ZNF569: variants seen among roughly 807,000 people sequenced by gnomAD.
ZNF569 encodes the protein DNA-binding protein.
Under a neutral mutation model 56.3 loss-of-function variants are expected in ZNF569, and 38 were observed. That is an observed-to-expected ratio of 0.68 (90% confidence interval 0.52 to 0.88). The LOEUF (loss-of-function observed/expected upper bound fraction) is 0.88, where lower values mean the gene tolerates loss of function less well. ZNF569 is among the 40% of genes least tolerant of loss of function. The probability of loss-of-function intolerance (pLI) is 0.00; values close to 1 mark genes in which losing one functional copy is unlikely to be tolerated. For synonymous variants in ZNF569, 241 were observed against 262.9 expected (o/e 0.92, Z 0.81); for missense variants, 666 against 809.2 (o/e 0.82, Z 2.15).
chr19:37,427,184 G>T (rs1010636551), intron 3 of ZNF569, among the ~76,000 whole-genome samples: 1 of 152,036 alleles, frequency 6.6e-6, no homozygotes, highest in African/African-American at 2.4e-5. Context: ...AGGTGTGGTG[G>T]TGTGCATCTG....
chr19:37,431,329 G>T lies in ZNF569; in HGVS notation c.16-4951C>A, dbSNP rs546045754. ...GAAGAGGAGAAGGAAGAGTAAAGAG[G>T]ACTTTGTCTTGCACCTTGGATACCA... is the stretch of plus-strand genomic sequence containing the variant. On this transcript the variant is annotated intron_variant, in intron 3 of 5. Transcript: ENST00000316950. 1.4e-4 allele frequency among the ~76,000 whole-genome samples: 21 copies of T among 152,146 alleles called. No homozygotes were observed. In the South Asian group the frequency reaches 4.4e-3, roughly 32 times the overall value.
At chr19:37,423,544 A>G (rs908722877) in intron 5 of ZNF569, among the ~76,000 whole-genome samples, 1 of 152,244 alleles carries the variant, frequency 6.6e-6, no homozygotes, top group Non-Finnish European at 1.5e-5. Context: ...ATAATCTCCT[A>G]TAGGAACAGA....
In ZNF569 at chr19:37,413,546, A is replaced by T. The variant is rs751340952; in HGVS notation, c.1112T>A (p.Ile371Lys). The T allele has an allele frequency of 1.2e-6, 2 of 1,613,054 alleles. No homozygotes were observed. The highest frequency in any genetic ancestry group is 1.7e-6 in the Non-Finnish European group (2 of 1,179,678). ...KAFSQFSMLI[I>K]HVRIHTGEKP... ...TTCACCTGTATGAATTCTAACATGT[A>T]TAATAAGCATGGAAAACTGAGAGAA... is the stretch of plus-strand genomic sequence containing the variant. The change falls in exon 6 of 6, where the codon ATA becomes AAA. Residue 371 changes from isoleucine (I) to lysine (K), a missense_variant. Physicochemically the swap from Ile to Lys is moderately radical, Grantham distance 102. Coordinates refer to ENST00000316950, the MANE Select transcript of ZNF569 (RefSeq NM_152484.3).
intron 2 of ZNF569, among the ~76,000 whole-genome samples, chr19:37,456,395 G>A (rs1290426610): frequency 6.6e-6 from 1 of 152,014 alleles, no homozygotes; most frequent in African/African-American, 2.4e-5. Context: ...CCTAAGAATA[G>A]GATGATCTAT....
At chr19:37,433,062 CCTAA>C (rs762620239) in intron 3 of ZNF569, among the ~76,000 whole-genome samples, 6 of 152,040 alleles carry the variant, frequency 3.9e-5, no homozygotes, top group South Asian at 2.1e-4. Flanking sequence ...TGCCACCATA[CCTAA>C]CTAAGTTTTT....
chr19:37,443,690 T>G (rs1214408415), intron 3 of ZNF569, among the ~76,000 whole-genome samples: 1 of 152,054 alleles, frequency 6.6e-6, no homozygotes. Flanking sequence ...CACCTCTTTC[T>G]TAAGATAGTC....
chr19:37,412,891 T>C lies in ZNF569; in HGVS notation c.1767A>G (p.Gln589=), dbSNP rs549860173. ...VCNECGKAFS[Q]RTSLIVHMRG... is the part of the protein sequence containing the mutation. ...TCATGTGCACAATAAGGGAAGTTCT[T>C]TGAGAGAAGGCTTTCCCACATTCAT... is the stretch of plus-strand genomic sequence containing the variant. The change falls in exon 6 of 6, where the codon CAA becomes CAG. Residue 589 remains glutamine (Q), a synonymous_variant. Transcript: ENST00000316950. 6.2e-7 allele frequency: 1 copy of C among 1,614,060 alleles called. No homozygotes were observed. The highest frequency in any genetic ancestry group is 8.5e-7 in the Non-Finnish European group (1 of 1,179,962).
intron 3 of ZNF569, among the ~76,000 whole-genome samples, chr19:37,433,261 T>G (rs752805252): frequency 2.6e-5 from 4 of 151,910 alleles, no homozygotes; most frequent in Non-Finnish European, 5.9e-5. Flanking sequence ...GAGGAAAGAA[T>G]TAGTGAGCCT....
chr19:37,419,638 G>A (rs1286493319), intron 5 of ZNF569, among the ~76,000 whole-genome samples: 5 of 151,928 alleles, frequency 3.3e-5, no homozygotes, highest in East Asian at 3.9e-4. Context: ...CAGGAGAATC[G>A]TTTGAACCTG....
chr19:37,437,290 T>C (rs993409873), intron 3 of ZNF569, among the ~76,000 whole-genome samples: 2 of 152,110 alleles, frequency 1.3e-5, no homozygotes, highest in Non-Finnish European at 2.9e-5. Flanking sequence ...ATCCCTTCCA[T>C]GATAAAAACC....
intron 2 of ZNF569, among the ~76,000 whole-genome samples, chr19:37,445,832 T>C (rs977638096): frequency 2.0e-5 from 3 of 152,170 alleles, no homozygotes; most frequent in African/African-American, 4.8e-5. Flanking sequence ...CCCGTGCTCA[T>C]GGATGGGTAT....
chr19:37,456,963 G>A (rs1437766770), intron 2 of ZNF569, among the ~76,000 whole-genome samples: 8 of 141,388 alleles, frequency 5.7e-5, no homozygotes, highest in Non-Finnish European at 6.1e-5. Context: ...GGGAGACACC[G>A]TCTCAAAAAA....
intron 3 of ZNF569, among the ~76,000 whole-genome samples, chr19:37,442,996 A>C (rs549359891): frequency 4.1e-4 from 62 of 152,314 alleles, no homozygotes; most frequent in African/African-American, 1.4e-3. Context: ...AGGTATGTTC[A>C]TTTTGAAAAT....
At chr19:37,447,198 A>T (rs1457658850) in intron 2 of ZNF569, among the ~76,000 whole-genome samples, 1 of 152,236 alleles carries the variant, frequency 6.6e-6, no homozygotes, top group Non-Finnish European at 1.5e-5. Flanking sequence ...TCCTTAAAGA[A>T]CTAAAAGTAT....
Position 37,412,514 on chromosome 19 carries a change from A to G in ZNF569, c.*83T>C, listed in dbSNP as rs2040854394. 2.1e-6 allele frequency: 3 copies of G among 1,459,640 alleles called. No individual in the cohort carries two copies. Among genetic ancestry groups the G allele is most frequent in the South Asian group, 1.6e-5 (1 of 60,800 alleles). 90.4% of individuals were successfully genotyped at this position (1,459,640 alleles called of 1,614,324 possible). On this transcript the variant is annotated 3_prime_UTR_variant, in exon 6 of 6. Coordinates refer to ENST00000316950, the MANE Select transcript of ZNF569 (RefSeq NM_152484.3). Reference sequence around the variant, plus strand: ...GGCTATCCCACATTCATAGTTTTCTACTCTGGAAGTGATCATGTAATGTGC... The same window carrying G: ...GGCTATCCCACATTCATAGTTTTCTGCTCTGGAAGTGATCATGTAATGTGC...
At chr19:37,450,736 T>C (rs969165204) in intron 2 of ZNF569, among the ~76,000 whole-genome samples, 3 of 152,206 alleles carry the variant, frequency 2.0e-5, no homozygotes, top group Non-Finnish European at 4.4e-5. Flanking sequence ...TTGAGATCTT[T>C]CTTCTTTTAT....
intron 2 of ZNF569, among the ~76,000 whole-genome samples, chr19:37,453,061 A>T (rs2146960148): frequency 6.6e-6 from 1 of 152,192 alleles, no homozygotes; most frequent in South Asian, 2.1e-4. Context: ...CAGTTTGCTA[A>T]TCCTTTCTTC....
intron 5 of ZNF569, 149 bp downstream of exon 5, chr19:37,425,719 C>T (rs1165862469): frequency 3.3e-6 from 2 of 600,424 alleles, no homozygotes; most frequent in African/African-American, 1.9e-5. Flanking sequence ...TCCACCTTGG[C>T]TTCCCAAAGT....
At chr19:37,424,462 G>T (rs1051324247) in intron 5 of ZNF569, among the ~76,000 whole-genome samples, 2 of 152,098 alleles carry the variant, frequency 1.3e-5, no homozygotes, top group Non-Finnish European at 2.9e-5. Flanking sequence ...ATGGTATCTA[G>T]AAATGACATC....
Sources: gnomAD v4.1 joint callset for allele counts (sites outside exome capture counted in the v4.1 genomes callset) on GRCh38, gnomAD v4.1.1 for gene constraint, MANE v1.5 for transcripts, NCBI Gene and HGNC (gene_info 2026-07-23, HGNC 2026-07-21) for gene names.